Variants in XPNPEP3 observed in about 807,000 individuals in gnomAD.
XPNPEP3 encodes the protein xaa-Pro aminopeptidase 3.
A neutral mutation model predicts 60.0 loss-of-function variants in XPNPEP3; 41 were observed. That is an observed-to-expected ratio of 0.68 (90% CI 0.53 to 0.89). XPNPEP3 has a LOEUF of 0.89. Ranked by LOEUF, XPNPEP3 falls within the 40% of genes least tolerant of loss-of-function variation. The probability of loss-of-function intolerance (pLI) is 0.00; values close to 1 mark genes in which losing one functional copy is unlikely to be tolerated. For missense variants in XPNPEP3, 598 were observed against 638.9 expected, an observed-to-expected ratio of 0.94 and a Z score of 0.69; for synonymous variants, 212 against 223.2, an observed-to-expected ratio of 0.95 and a Z score of 0.45.
At chr22:40,902,569 G>A (rs2058138619) in intron 4 of XPNPEP3, among the ~76,000 whole-genome samples, 1 of 152,024 alleles carries the variant, frequency 6.6e-6, no homozygotes, top group South Asian at 2.1e-4. Context: ...ATTTTTAGCA[G>A]AGACGGGGTT....
At chr22:40,876,528 A>G (rs2058028169) in intron 2 of XPNPEP3, among the ~76,000 whole-genome samples, 1 of 152,254 alleles carries the variant, frequency 6.6e-6, no homozygotes, top group African/African-American at 2.4e-5. Flanking sequence ...ACTGAGGCAC[A>G]GAGAAGTTTG....
chr22:40,921,913 G>A (rs2058217991), intron 7 of XPNPEP3, among the ~76,000 whole-genome samples: 1 of 151,886 alleles, frequency 6.6e-6, no homozygotes, highest in African/African-American at 2.4e-5. Flanking sequence ...TAGCCCAGAT[G>A]TTGACTAGTT....
chr22:40,861,080 G>A, intron 1 of XPNPEP3: 1 of 1,588,902 alleles, frequency 6.3e-7, no homozygotes, highest in Non-Finnish European at 8.5e-7. Flanking sequence ...AATTCCTTTT[G>A]GTAGACTTCT....
At chr22:40,899,536 T>C (rs2058123017) in intron 4 of XPNPEP3, among the ~76,000 whole-genome samples, 1 of 151,836 alleles carries the variant, frequency 6.6e-6, no homozygotes, top group Admixed American at 6.6e-5. Flanking sequence ...AAGAATGAAG[T>C]TGTGCCCGGG....
At chr22:40,867,972 C>T (rs1275001808) in intron 1 of XPNPEP3, among the ~76,000 whole-genome samples, 1 of 151,440 alleles carries the variant, frequency 6.6e-6, no homozygotes, top group Non-Finnish European at 1.5e-5. Flanking sequence ...AACAAAACTC[C>T]TTATGTGTGA....
intron 2 of XPNPEP3, among the ~76,000 whole-genome samples, chr22:40,878,867 C>T (rs1006514314): frequency 2.0e-5 from 3 of 151,976 alleles, no homozygotes; most frequent in African/African-American, 7.2e-5. Flanking sequence ...GGATTATAGG[C>T]GTGAGCCACT....
rs2058255655 is a variant in XPNPEP3 at position 40,931,788 on chromosome 22, G to A, written c.*5353G>A. 6.6e-6 allele frequency: 1 copy of A among 152,130 alleles called. No homozygotes were observed. Among genetic ancestry groups the A allele is most frequent in the Non-Finnish European group, 1.5e-5 (1 of 68,028 alleles). 9.4% of individuals were successfully genotyped at this position (152,130 alleles called of 1,614,324 possible). ...GTATCCACGTTAGGAAAATGCTTCT[G>A]AGAGTAACTTAAAGTACTGTGTGTG... On this transcript the variant is annotated 3_prime_UTR_variant, in exon 10 of 10. Coordinates refer to ENST00000357137, the MANE Select transcript of XPNPEP3 (RefSeq NM_022098.4).
chr22:40,918,188 A>G (rs1233660767), intron 7 of XPNPEP3, among the ~76,000 whole-genome samples: 1 of 152,044 alleles, frequency 6.6e-6, no homozygotes, highest in Non-Finnish European at 1.5e-5. Context: ...TCTGGGCAAC[A>G]CAGCAAGACC....
intron 7 of XPNPEP3, among the ~76,000 whole-genome samples, chr22:40,922,054 C>G (rs2058218533): frequency 6.6e-6 from 1 of 152,074 alleles, no homozygotes; most frequent in South Asian, 2.1e-4. Flanking sequence ...ACTGACTGCA[C>G]TCATGGCTCA....
At chr22:40,923,764 AT>A (rs1333223418) in intron 8 of XPNPEP3, among the ~76,000 whole-genome samples, 1 of 152,150 alleles carries the variant, frequency 6.6e-6, no homozygotes. Flanking sequence ...AGGTGGGAGA[AT>A]AGCTTGAACC....
In XPNPEP3 at chr22:40,926,541, C is replaced by A; in HGVS notation, c.*106C>A. On this transcript the variant is annotated 3_prime_UTR_variant, in exon 10 of 10. Transcript: ENST00000357137. ...CTGTGTGTGCATTAATATATGCATT[C>A]CATTTGGGAGCATAGCAGCTGTGTG... The A allele has an allele frequency of 7.4e-7, 1 of 1,352,480 alleles. No individual in the cohort carries two copies. The highest frequency in any genetic ancestry group is 1.1e-6 in the Non-Finnish European group (1 of 947,432). 83.8% of individuals were successfully genotyped at this position (1,352,480 alleles called of 1,614,324 possible). A position where few individuals can be genotyped will look rare whatever the true frequency, so the allele number is the denominator to read the frequency against.
rs1361058489 is a variant in XPNPEP3, at chr22:40,930,350, C to CA, written c.*3917dup. The stretch of plus-strand genomic sequence containing the variant: ...TTTACTGTGTTAGCCAGGATGGTCT[C>CA]AATCTCCTGACCTCATAATCTGCCC... On this transcript the variant is annotated 3_prime_UTR_variant, in exon 10 of 10. Transcript: ENST00000357137. The CA allele has an allele frequency of 1.3e-5, 2 of 151,774 alleles. No individual in the cohort carries two copies. The highest frequency in any genetic ancestry group is 4.8e-5 in the African/African-American group (2 of 41,304). 9.4% of individuals were successfully genotyped at this position (151,774 alleles called of 1,614,324 possible).
chr22:40,915,050 C>CTT (rs34697318), intron 7 of XPNPEP3, among the ~76,000 whole-genome samples: 4,596 of 117,798 alleles, frequency 0.039, 292 homozygotes, highest in African/African-American at 0.073. Flanking sequence ...CAAGTCCATT[C>CTT]TTTTTTTTTT....
chr22:40,872,622 T>C (rs1327681934), intron 2 of XPNPEP3, among the ~76,000 whole-genome samples: 1 of 152,028 alleles, frequency 6.6e-6, no homozygotes, highest in Non-Finnish European at 1.5e-5. Flanking sequence ...GGCTAATTTT[T>C]GTATTTTTAG....
At chr22:40,876,764 A>G (rs1264481257) in intron 2 of XPNPEP3, among the ~76,000 whole-genome samples, 1 of 152,272 alleles carries the variant, frequency 6.6e-6, no homozygotes, top group African/African-American at 2.4e-5. Flanking sequence ...GCCAAAAAAT[A>G]CTATCTGGTA....
At chr22:40,905,268 G>T (rs771038371) in intron 4 of XPNPEP3, among the ~76,000 whole-genome samples, 3 of 151,594 alleles carry the variant, frequency 2.0e-5, no homozygotes, top group Non-Finnish European at 2.9e-5. Flanking sequence ...TTTTAGTAGA[G>T]ACCGTGTTTC....
intron 2 of XPNPEP3, among the ~76,000 whole-genome samples, chr22:40,877,311 T>C (rs917448276): frequency 6.6e-6 from 1 of 152,214 alleles, no homozygotes; most frequent in Non-Finnish European, 1.5e-5. Context: ...CCTTATATGC[T>C]GCGAAAACTA....
intron 4 of XPNPEP3, among the ~76,000 whole-genome samples, chr22:40,906,093 T>G (rs2058154337): frequency 6.6e-6 from 1 of 151,126 alleles, no homozygotes; most frequent in Admixed American, 6.6e-5. Context: ...ACCCAGCCTG[T>G]TTGTTTGTTT....
intron 3 of XPNPEP3, among the ~76,000 whole-genome samples, chr22:40,883,141 T>A (rs1274705350): frequency 1.3e-5 from 2 of 152,172 alleles, no homozygotes; most frequent in Admixed American, 1.3e-4. Context: ...GACAACTACT[T>A]CTTATCTTAG....
Sources: gnomAD v4.1 joint callset for allele counts (sites outside exome capture counted in the v4.1 genomes callset) on GRCh38, gnomAD v4.1.1 for gene constraint, MANE v1.5 for transcripts, NCBI Gene and HGNC (gene_info 2026-07-23, HGNC 2026-07-21) for gene names.